The following RPL26L1 variants were observed in gnomAD, a reference collection of about 807,000 sequenced individuals.
RPL26L1 encodes the protein ribosomal protein L26 like 1, also known as ribosomal protein uL24-like.
Under a neutral mutation model 15.2 loss-of-function variants are expected in RPL26L1, and 8 were observed. The ratio of observed to expected loss-of-function variants is 0.53; its 90% CI spans 0.31 to 0.95. The LOEUF (loss-of-function observed/expected upper bound fraction) is 0.95, where lower values mean the gene tolerates loss of function less well. Ranked by LOEUF, RPL26L1 falls within the 40% of genes least tolerant of loss-of-function variation. RPL26L1 has a pLI of 0.05. For missense variants in RPL26L1, 146 were observed against 190.9 expected (o/e 0.76, Z 1.39); for synonymous variants, 51 against 65.9 (o/e 0.77, Z 1.09).
upstream of RPL26L1, chr5:172,958,689 T>A (rs909335487): frequency 2.5e-5 from 6 of 240,992 alleles, no homozygotes; most frequent in Admixed American, 2.6e-4. Context: ...TAGCCAGTGG[T>A]TGGGTGGCGC....
rs1755553818 is a variant in RPL26L1, at chr5:172,968,454, C to T, written c.169-5C>T. On this transcript the variant is annotated splice_polypyrimidine_tract_variant and splice_region_variant and intron_variant, in intron 2 of 3. Transcript: ENST00000265100. ...AGGGGGATTCTCTTTTGTATTTTCT[C>T]TTAGGTAGTTCGAGGACACTACAAA... 6.2e-7 allele frequency: 1 copy of T among 1,609,494 alleles called. No homozygotes were observed. The highest frequency in any genetic ancestry group is 1.3e-5 in the African/African-American group (1 of 74,762).
At chr5:172,968,943 G>A (rs1276223479) in intron 3 of RPL26L1, among the ~76,000 whole-genome samples, 3 of 150,904 alleles carry the variant, frequency 2.0e-5, no homozygotes, top group Non-Finnish European at 4.4e-5. Flanking sequence ...AAGTAGCTGG[G>A]ACTACAGGCA....
intron 2 of RPL26L1, among the ~76,000 whole-genome samples, chr5:172,967,853 A>G (rs1018618197): frequency 3.7e-4 from 56 of 151,776 alleles, no homozygotes; most frequent in Admixed American, 2.8e-3. Flanking sequence ...TATGTTACAT[A>G]TAAGTACATA....
At chr5:172,958,395 A>C (rs1201210674), upstream of RPL26L1, 1 of 456,158 alleles carries the variant, frequency 2.2e-6, no homozygotes, top group Non-Finnish European at 4.4e-6. Flanking sequence ...CTGTACTTGC[A>C]AGACATCTTC....
At chr5:172,957,079 A>G (rs765402264), upstream of RPL26L1, 2 of 424,294 alleles carry the variant, frequency 4.7e-6, no homozygotes, top group Non-Finnish European at 9.5e-6. Flanking sequence ...CAGAGATCCA[A>G]ACCCAAGCGA....
At chr5:172,965,115 G>A (rs1755406175) in intron 2 of RPL26L1, among the ~76,000 whole-genome samples, 1 of 152,178 alleles carries the variant, frequency 6.6e-6, no homozygotes, top group Non-Finnish European at 1.5e-5. Flanking sequence ...GAACCCAGAA[G>A]GCGGAGGTTG....
chr5:172,956,388 T>G (rs1175839432), upstream of RPL26L1, among the ~76,000 whole-genome samples: 1 of 152,178 alleles, frequency 6.6e-6, no homozygotes, highest in Non-Finnish European at 1.5e-5. Context: ...ATATTGAGCA[T>G]CTAATGGTAG....
intron 2 of RPL26L1, among the ~76,000 whole-genome samples, chr5:172,966,053 G>A (rs903539496): frequency 6.6e-6 from 1 of 152,152 alleles, no homozygotes. Flanking sequence ...TAGTCGACCA[G>A]CCGACTTAGT....
intron 2 of RPL26L1, among the ~76,000 whole-genome samples, chr5:172,960,735 A>G (rs186818881): frequency 1.7e-3 from 245 of 147,506 alleles, no homozygotes; most frequent in Non-Finnish European, 2.3e-3. Flanking sequence ...GGAGTTGGAT[A>G]TGAGTGAAAT....
At chr5:172,957,158 C>G (rs1412460068), upstream of RPL26L1, 2 of 455,888 alleles carry the variant, frequency 4.4e-6, no homozygotes, top group Admixed American at 4.7e-5. Context: ...ACTCACCAGA[C>G]ACTTCCTCTG....
At chr5:172,968,337 G>T (rs1755549197) in intron 2 of RPL26L1, 122 bp from the exon 3 acceptor site, 1 of 1,293,350 alleles carries the variant, frequency 7.7e-7, no homozygotes. Context: ...ATTTTTGACT[G>T]CCAGGATTAA....
upstream of RPL26L1, chr5:172,955,925 C>T (rs373308511): frequency 1.8e-4 from 28 of 152,330 alleles, no homozygotes; most frequent in African/African-American, 6.7e-4. Flanking sequence ...ATGGTTCCAC[C>T]TCAGTCCCAA....
At chr5:172,965,200 G>A (rs1337092629) in intron 2 of RPL26L1, among the ~76,000 whole-genome samples, 2 of 151,994 alleles carry the variant, frequency 1.3e-5, no homozygotes. Context: ...AAAAAAGAAA[G>A]AAATATCCCT....
intron 2 of RPL26L1, among the ~76,000 whole-genome samples, chr5:172,966,570 C>G (rs1468760575): frequency 6.6e-6 from 1 of 151,922 alleles, no homozygotes; most frequent in Non-Finnish European, 1.5e-5. Flanking sequence ...TTGAGACCAG[C>G]CTGGGCAGCA....
chr5:172,964,820 G>T (rs550897335), intron 2 of RPL26L1, among the ~76,000 whole-genome samples: 38 of 152,256 alleles, frequency 2.5e-4, no homozygotes, highest in South Asian at 2.5e-3. Flanking sequence ...TTCAGAAATC[G>T]TGGCTCCACA....
Position 172,959,869 on chromosome 5 carries a change from T to C in RPL26L1, c.-5T>C. 6.2e-7 allele frequency: 1 copy of C among 1,613,966 alleles called. No individual in the cohort carries two copies. Among genetic ancestry groups the C allele is most frequent in the Non-Finnish European group, 8.5e-7 (1 of 1,179,938 alleles). ...GTCTCTCTCCGCCCTTTGTAGAGGG[T>C]CACCATGAAGTTCAATCCCTTCGTT... is the stretch of plus-strand genomic sequence containing the variant. On this transcript the variant is annotated 5_prime_UTR_variant, in exon 2 of 4. Transcript: ENST00000265100.
At position 172,965,000 on chromosome 5, in the gene RPL26L1, A is replaced by G. The variant is rs138139013; in HGVS notation, c.169-3459A>G. Among the ~76,000 whole-genome samples the G allele has an allele frequency of 7.6e-3, 1,150 of 152,310 alleles. 22 individuals are homozygous for G. Among genetic ancestry groups the G allele is most frequent in the African/African-American group, 0.026 (1,082 of 41,584 alleles). ...GGAGTTCGAGACCAGCCTGGCCAACATGGCGAAATTCCGTCTGCACTAAAA... is the reference window on the plus strand; with the variant it reads ...GGAGTTCGAGACCAGCCTGGCCAACGTGGCGAAATTCCGTCTGCACTAAAA... On this transcript the variant is annotated intron_variant, in intron 2 of 3. Transcript: ENST00000265100.
intron 2 of RPL26L1, among the ~76,000 whole-genome samples, chr5:172,967,780 G>C (rs531869213): frequency 6.7e-6 from 1 of 149,766 alleles, no homozygotes; most frequent in Admixed American, 6.7e-5. Flanking sequence ...ACATATATAC[G>C]TATGTATACA....
At position 172,959,561 on chromosome 5, in the gene RPL26L1, C is replaced by T. The variant is rs139849704; in HGVS notation, c.-10+93C>T. On this transcript the variant is annotated intron_variant, in intron 1 of 3. Coordinates refer to ENST00000265100, the MANE Select transcript of RPL26L1 (RefSeq NM_016093.4). The stretch of plus-strand genomic sequence containing the variant: ...CGCGGGAACACATGTCACCCCACAG[C>T]TCTCTTTGAGTGACCTCCCGACCAC... The T allele has an allele frequency of 5.7e-5, 67 of 1,176,276 alleles. 1 individual carries two copies. In the East Asian group the frequency reaches 3.3e-3, roughly 57 times the overall value. The allele number at this position is 1,176,276 out of a possible 1,614,324, so 72.9% of individuals were successfully genotyped here.
Sources: allele counts gnomAD v4.1 joint callset (sites outside exome capture counted in the v4.1 genomes callset), GRCh38; gene constraint gnomAD v4.1.1; transcripts MANE v1.5; gene names NCBI Gene and HGNC (gene_info 2026-07-23, HGNC 2026-07-21).